ZMAT4: variants seen among roughly 807,000 people sequenced by gnomAD.
ZMAT4 encodes the protein zinc finger matrin-type protein 4.
In ZMAT4, 17 loss-of-function variants were observed where a neutral mutation model predicts 28.7. That is an observed-to-expected ratio of 0.59 (90% CI 0.41 to 0.89). ZMAT4 has a LOEUF of 0.89. Among genes scored for constraint, ZMAT4 ranks in the 40% least tolerant of loss-of-function variants. The pLI, the probability that ZMAT4 is intolerant of heterozygous loss-of-function variation, is 0.00. For synonymous variants in ZMAT4, 117 were observed against 109.2 expected, an observed-to-expected ratio of 1.07 and a Z score of -0.44; for missense variants, 240 against 283.8, an observed-to-expected ratio of 0.85 and a Z score of 1.11.
chr8:40,668,206 T>A (rs1808513110), intron 5 of ZMAT4, among the ~76,000 whole-genome samples: 1 of 152,008 alleles, frequency 6.6e-6, no homozygotes, highest in Admixed American at 6.6e-5. Flanking sequence ...GCGCAGTGGC[T>A]CATGTCTGCA....
intron 1 of ZMAT4, among the ~76,000 whole-genome samples, chr8:40,892,658 C>T (rs944205551): frequency 6.6e-6 from 1 of 152,210 alleles, no homozygotes; most frequent in African/African-American, 2.4e-5. Context: ...GATTCTGGTC[C>T]TCCCTCTGCT....
Position 40,708,571 on chromosome 8 carries a change from TTCTCTCTC to T in ZMAT4, c.193-11178_193-11171del, listed in dbSNP as rs36210172. Among the ~76,000 whole-genome samples, 416 of 120,766 alleles carry T rather than the reference TTCTCTCTC, an allele frequency of 3.4e-3. 3 individuals are homozygous for T. Among genetic ancestry groups the T allele is most frequent in the South Asian group, 5.8e-3 (20 of 3,434 alleles). The allele number at this position is 120,766 out of a possible 152,430, so 79.2% of individuals were successfully genotyped here. A position where few individuals can be genotyped will look rare whatever the true frequency, so the allele number is the denominator to read the frequency against. On this transcript the variant is annotated intron_variant, in intron 3 of 6. Transcript: ENST00000297737. ...CTACACACACACACATACACACTCT[TTCTCTCTC>T]TCTCTCTCTCTCTCTCTCTCTCTCT... is the stretch of plus-strand genomic sequence containing the variant.
intron 2 of ZMAT4, among the ~76,000 whole-genome samples, chr8:40,769,591 G>A (rs771305932): frequency 6.6e-6 from 1 of 152,198 alleles, no homozygotes; most frequent in Admixed American, 6.5e-5. Context: ...GCACGCAGAC[G>A]ATAATGGGTG....
At chr8:40,739,948 A>G (rs1028861038) in intron 3 of ZMAT4, among the ~76,000 whole-genome samples, 1 of 152,188 alleles carries the variant, frequency 6.6e-6, no homozygotes, top group African/African-American at 2.4e-5. Context: ...TTCCAGCTTC[A>G]TCCATGTCCC....
At chr8:40,821,299 T>C (rs1328118972) in intron 2 of ZMAT4, among the ~76,000 whole-genome samples, 1 of 152,170 alleles carries the variant, frequency 6.6e-6, no homozygotes, top group Admixed American at 6.5e-5. Context: ...CCGTAACGCT[T>C]AGGCCCTTTC....
intron 5 of ZMAT4, among the ~76,000 whole-genome samples, chr8:40,617,376 G>C (rs767554824): frequency 8.5e-5 from 13 of 152,148 alleles, no homozygotes; most frequent in Non-Finnish European, 1.8e-4. Context: ...GTATATTTTA[G>C]ACAAGAAGAA....
At chr8:40,633,143 G>T (rs1031736659) in intron 5 of ZMAT4, among the ~76,000 whole-genome samples, 9 of 152,126 alleles carry the variant, frequency 5.9e-5, no homozygotes, top group Admixed American at 1.3e-4. Flanking sequence ...TTAATTTTTT[G>T]ACTTTCAAGA....
At chr8:40,820,839 A>G (rs1426952564) in intron 2 of ZMAT4, among the ~76,000 whole-genome samples, 20 of 5,020 alleles carry the variant, frequency 4.0e-3, no homozygotes, top group African/African-American at 0.019. Context: ...TTATGTGTGT[A>G]TGTGTGTATG....
At chr8:40,532,585 A>T (rs1320354384) in intron 6 of ZMAT4, among the ~76,000 whole-genome samples, 1 of 152,218 alleles carries the variant, frequency 6.6e-6, no homozygotes, top group Non-Finnish European at 1.5e-5. Context: ...AGGTATAACT[A>T]CATGCAGAAC....
At chr8:40,763,083 C>T (rs968873996) in intron 3 of ZMAT4, among the ~76,000 whole-genome samples, 4 of 152,172 alleles carry the variant, frequency 2.6e-5, no homozygotes, top group African/African-American at 7.2e-5. Flanking sequence ...CTAGCCCCAT[C>T]GTATCAGGAG....
intron 1 of ZMAT4, among the ~76,000 whole-genome samples, chr8:40,836,652 C>G (rs1586143010): frequency 6.6e-6 from 1 of 152,046 alleles, no homozygotes; most frequent in African/African-American, 2.4e-5. Context: ...AAGTCAAAAA[C>G]AACTGAAATG....
intron 2 of ZMAT4, among the ~76,000 whole-genome samples, chr8:40,782,444 A>T (rs1164895210): frequency 3.9e-5 from 6 of 152,166 alleles, no homozygotes; most frequent in Non-Finnish European, 7.3e-5. Context: ...GTGAAAAGAC[A>T]ACACACAGAA....
intron 6 of ZMAT4, among the ~76,000 whole-genome samples, chr8:40,577,431 G>T (rs757818506): frequency 5.3e-5 from 8 of 152,114 alleles, no homozygotes; most frequent in Non-Finnish European, 1.2e-4. Flanking sequence ...GGCACAAAAA[G>T]AAGATCCACA....
intron 5 of ZMAT4, among the ~76,000 whole-genome samples, chr8:40,622,694 C>T (rs911028401): frequency 1.3e-5 from 2 of 152,226 alleles, no homozygotes; most frequent in African/African-American, 4.8e-5. Context: ...GAAGCTTCCA[C>T]TCATGGCGGA....
At chr8:40,667,136 CTTTTT>C (rs200249723) in intron 5 of ZMAT4, among the ~76,000 whole-genome samples, 1 of 148,684 alleles carries the variant, frequency 6.7e-6, no homozygotes, top group East Asian at 2.0e-4. Context: ...GCAATAATTT[CTTTTT>C]TTTTTATTTT....
At chr8:40,609,227 G>A (rs867857561) in intron 5 of ZMAT4, among the ~76,000 whole-genome samples, 11 of 152,118 alleles carry the variant, frequency 7.2e-5, no homozygotes, top group African/African-American at 1.4e-4. Flanking sequence ...AAATTTTATC[G>A]TCAGATTCAA....
At chr8:40,732,834 C>A (rs1250196337) in intron 3 of ZMAT4, among the ~76,000 whole-genome samples, 3 of 67,078 alleles carry the variant, frequency 4.5e-5, no homozygotes, top group Non-Finnish European at 8.5e-5. Context: ...GCAAGACCTC[C>A]TTTTTTTTTT....
At chr8:40,598,413 C>T (rs1263779460) in intron 5 of ZMAT4, among the ~76,000 whole-genome samples, 1 of 152,100 alleles carries the variant, frequency 6.6e-6, no homozygotes, top group Non-Finnish European at 1.5e-5. Context: ...CACCCTGTGT[C>T]CCTGTATTCT....
chr8:40,844,712 A>C (rs1250534440), intron 1 of ZMAT4, among the ~76,000 whole-genome samples: 1 of 147,378 alleles, frequency 6.8e-6, no homozygotes, highest in Admixed American at 6.8e-5. Flanking sequence ...GTTTTTCTGG[A>C]GATCCCTGGC....
Sources: gnomAD v4.1 joint callset for allele counts (sites outside exome capture counted in the v4.1 genomes callset) on GRCh38, gnomAD v4.1.1 for gene constraint, MANE v1.5 for transcripts, NCBI Gene and HGNC (gene_info 2026-07-23, HGNC 2026-07-21) for gene names.